DCC: variants seen among roughly 807,000 people sequenced by gnomAD.
The protein encoded by DCC is netrin receptor DCC.
In DCC, 58 loss-of-function variants were observed where a neutral mutation model predicts 172.5. That is an observed-to-expected ratio of 0.34 (90% CI 0.27 to 0.42). The LOEUF (loss-of-function observed/expected upper bound fraction) is 0.42. DCC is among the 10% of genes least tolerant of loss of function. DCC has a pLI of 1.00. For synonymous variants in DCC, 709 were observed against 644.5 expected (o/e 1.10, Z -1.52); for missense variants, 1,740 against 1,791.0 (o/e 0.97, Z 0.51).
intron 1 of DCC, among the ~76,000 whole-genome samples, chr18:52,412,409 A>G (rs1409514724): frequency 6.6e-6 from 1 of 152,136 alleles, no homozygotes; most frequent in Non-Finnish European, 1.5e-5. Flanking sequence ...TTAAAAAGCA[A>G]TATATACTAT....
intron 15 of DCC, among the ~76,000 whole-genome samples, chr18:53,357,112 T>A (rs538554080): frequency 2.0e-5 from 3 of 152,312 alleles, no homozygotes; most frequent in East Asian, 3.9e-4. Context: ...AGTTCTTTAA[T>A]AAGTGATTAA....
chr18:53,368,418 G>A (rs1268515371), intron 15 of DCC, among the ~76,000 whole-genome samples: 1 of 152,000 alleles, frequency 6.6e-6, no homozygotes, highest in Non-Finnish European at 1.5e-5. Context: ...TTATTTTGAT[G>A]TACAATGTTT....
In DCC at chr18:52,497,314, T is replaced by TATATATATAC. The variant is rs1281625390; in HGVS notation, c.91+156437_91+156438insTATATATACA. ...ATATATATATATATATATATATATATACACACACACATATATATACACACG... is the reference window on the plus strand; with the variant it reads ...ATATATATATATATATATATATATATATATATATACACACACACACATATATATACACACG... On this transcript the variant is annotated intron_variant, in intron 1 of 28. Transcript: ENST00000442544. 1.5e-3 allele frequency among the ~76,000 whole-genome samples: 111 copies of TATATATATAC among 73,946 alleles called. 4 individuals are homozygous for TATATATATAC. Among genetic ancestry groups the TATATATATAC allele is most frequent in the African/African-American group, 5.4e-3 (107 of 19,758 alleles). The allele number at this position is 73,946 out of a possible 152,430, so 48.5% of individuals were successfully genotyped here.
chr18:52,915,268 T>C (rs2040024546), intron 3 of DCC, among the ~76,000 whole-genome samples: 1 of 152,158 alleles, frequency 6.6e-6, no homozygotes. Context: ...TCTTGTTTAC[T>C]CAGGATACAT....
chr18:53,183,357 T>G (rs1160033632), intron 9 of DCC, among the ~76,000 whole-genome samples: 1 of 152,140 alleles, frequency 6.6e-6, no homozygotes, highest in Non-Finnish European at 1.5e-5. Flanking sequence ...GCTAAACCCT[T>G]GCCCATTCTC....
chr18:52,843,189 A>T (rs2038833988), intron 2 of DCC, among the ~76,000 whole-genome samples: 1 of 152,212 alleles, frequency 6.6e-6, no homozygotes, highest in South Asian at 2.1e-4. Context: ...ATTATTAGTT[A>T]AATGTATTAA....
At position 52,812,227 on chromosome 18, in the gene DCC, ATAT is replaced by A. The variant is rs530836414; in HGVS notation, c.412+59858_412+59860del. On this transcript the variant is annotated intron_variant, in intron 2 of 28. Coordinates refer to ENST00000442544, the MANE Select transcript of DCC (RefSeq NM_005215.4). ...TAATTCACCTCAGCTACCCTTTCTG[ATAT>A]TATTTTTGTTTTATATTTTATGTGT... 2.0e-3 allele frequency among the ~76,000 whole-genome samples: 301 copies of A among 152,226 alleles called. 2 individuals carry two copies. Among genetic ancestry groups the A allele is most frequent in the Non-Finnish European group, 3.5e-3 (239 of 67,996 alleles).
At chr18:52,868,033 G>GTGTA (rs34439277) in intron 2 of DCC, among the ~76,000 whole-genome samples, 10,926 of 119,386 alleles carry the variant, frequency 0.092, 552 homozygotes, top group Admixed American at 0.18. Context: ...GTGTATGTGT[G>GTGTA]TATATATATA....
At chr18:52,348,825 A>G in intron 1 of DCC, among the ~76,000 whole-genome samples, 1 of 152,170 alleles carries the variant, frequency 6.6e-6, no homozygotes, top group East Asian at 1.9e-4. Flanking sequence ...GTTGGAAAAG[A>G]CATTCTTAGT....
chr18:53,354,699 T>G (rs1326935162), intron 15 of DCC, among the ~76,000 whole-genome samples: 2 of 151,778 alleles, frequency 1.3e-5, no homozygotes, highest in Non-Finnish European at 2.9e-5. Context: ...TTTCTCCCAT[T>G]CTGTAGGTTG....
chr18:52,367,253 C>G (rs951409808), intron 1 of DCC, among the ~76,000 whole-genome samples: 3 of 152,216 alleles, frequency 2.0e-5, no homozygotes, highest in Non-Finnish European at 2.9e-5. Flanking sequence ...CCGCAAGTGC[C>G]GCACGCAGCC....
At chr18:52,971,522 C>G (rs2041030289) in intron 5 of DCC, among the ~76,000 whole-genome samples, 1 of 151,722 alleles carries the variant, frequency 6.6e-6, no homozygotes, top group Non-Finnish European at 1.5e-5. Context: ...CACACACACA[C>G]ACACACGCAC....
At chr18:53,178,848 T>A (rs1253081285) in intron 8 of DCC, 114 bp from the exon 9 acceptor site, 2 of 1,020,852 alleles carry the variant, frequency 2.0e-6, no homozygotes, top group Non-Finnish European at 3.0e-6. Context: ...AGAGTCAACA[T>A]TAGATGAGTG....
chr18:52,931,884 G>T (rs1335604163), intron 5 of DCC: 3 of 151,988 alleles, frequency 2.0e-5, no homozygotes, highest in Non-Finnish European at 2.9e-5. Context: ...GGCTTCAGTG[G>T]GCTTCGTATA....
intron 1 of DCC, among the ~76,000 whole-genome samples, chr18:52,527,820 G>A (rs1024237639): frequency 3.3e-5 from 5 of 152,188 alleles, no homozygotes; most frequent in Non-Finnish European, 7.3e-5. Context: ...TATTTGGCAT[G>A]TACGAGGGCA....
intron 1 of DCC, among the ~76,000 whole-genome samples, chr18:52,375,573 G>A (rs933138993): frequency 2.8e-4 from 43 of 152,124 alleles, no homozygotes; most frequent in African/African-American, 1.0e-3. Context: ...TCATGTCTCC[G>A]TGGACCAGCT....
chr18:52,816,926 C>A (rs1011070615), intron 2 of DCC: 1 of 151,992 alleles, frequency 6.6e-6, no homozygotes, highest in Admixed American at 6.6e-5. Flanking sequence ...TTTTTGGTTA[C>A]CTCAGTTACT....
intron 5 of DCC, among the ~76,000 whole-genome samples, chr18:52,962,177 C>T (rs531323790): frequency 1.3e-5 from 2 of 151,304 alleles, no homozygotes; most frequent in South Asian, 4.2e-4. Flanking sequence ...AGGCAACCTA[C>T]AAAATGGGAG....
chr18:52,692,725 C>G (rs1287263570), intron 1 of DCC, among the ~76,000 whole-genome samples: 1 of 152,162 alleles, frequency 6.6e-6, no homozygotes, highest in Admixed American at 6.6e-5. Context: ...AGCCACCACA[C>G]CTGGCCAGCT....
Sources: gnomAD v4.1 joint callset for allele counts (sites outside exome capture counted in the v4.1 genomes callset) on GRCh38, gnomAD v4.1.1 for gene constraint, MANE v1.5 for transcripts, NCBI Gene and HGNC (gene_info 2026-07-23, HGNC 2026-07-21) for gene names.